The following GSE1 variants were observed in gnomAD, a reference collection of about 807,000 sequenced individuals.
GSE1 encodes genetic suppressor element 1.
GSE1 carries 32 observed loss-of-function variants against 112.6 expected under a neutral mutation model. That is an observed-to-expected ratio of 0.28 (90% CI 0.21 to 0.38). The LOEUF is 0.38. GSE1 is among the 10% of genes least tolerant of loss of function. The probability of loss-of-function intolerance (pLI) is 1.00; values close to 1 mark genes in which losing one functional copy is unlikely to be tolerated. For missense variants in GSE1, 2,348 were observed against 1,699.2 expected, an observed-to-expected ratio of 1.38 and a Z score of -6.71; for synonymous variants, 1,115 against 735.6, an observed-to-expected ratio of 1.52 and a Z score of -8.35.
At chr16:85,324,671 T>G (rs117142306) in intron 1 of GSE1, among the ~76,000 whole-genome samples, 3,374 of 151,008 alleles carry the variant, frequency 0.022, 70 homozygotes, top group South Asian at 0.049. Context: ...ACCCAGAGAG[T>G]GGAGTATGAC....
At chr16:85,629,029 C>T (rs776379063) in intron 1 of GSE1, among the ~76,000 whole-genome samples, 6 of 152,176 alleles carry the variant, frequency 3.9e-5, no homozygotes, top group Non-Finnish European at 8.8e-5. Context: ...CACGCTCTCG[C>T]AAGATCTGGG....
At chr16:85,196,526 T>C (rs1475541119) in intron 1 of GSE1, among the ~76,000 whole-genome samples, 1 of 152,168 alleles carries the variant, frequency 6.6e-6, no homozygotes, top group Non-Finnish European at 1.5e-5. Context: ...TCAGTGTGGC[T>C]GGTACTGGCT....
At chr16:85,207,190 C>A (rs1391905924) in intron 1 of GSE1, among the ~76,000 whole-genome samples, 1 of 152,302 alleles carries the variant, frequency 6.6e-6, no homozygotes, top group Middle Eastern at 3.4e-3. Context: ...ATCTGGGACC[C>A]CCCCGTCCTC....
At chr16:85,615,615 C>T (rs1264876307) in intron 1 of GSE1, among the ~76,000 whole-genome samples, 1 of 152,118 alleles carries the variant, frequency 6.6e-6, no homozygotes, top group Admixed American at 6.5e-5. Flanking sequence ...GAAGGGAGGT[C>T]GGGAAGTCCT....
At chr16:85,341,724 T>G (rs1407327849) in intron 1 of GSE1, among the ~76,000 whole-genome samples, 1 of 152,140 alleles carries the variant, frequency 6.6e-6, no homozygotes, top group African/African-American at 2.4e-5. Context: ...GGTCTCAAAC[T>G]CCTGGCCCTA....
chr16:85,311,725 G>A lies in GSE1; in HGVS notation c.2284-45738G>A, dbSNP rs999290954. On this transcript the variant is annotated intron_variant, in intron 1 of 2. Transcript: ENST00000637419. The surrounding 1 kb of genome is among the most constrained non-coding windows in gnomAD (Gnocchi z 4.2). ...CTCCTGCCTGCTTCATTTCCCAGAT[G>A]TCTTAGGACCTGAGGTGGTGCAGGC... Among the ~76,000 whole-genome samples the A allele has an allele frequency of 2.0e-5, 3 of 152,202 alleles. No individual in the cohort carries two copies. The highest frequency in any genetic ancestry group is 6.8e-3 in the Middle Eastern group (2 of 294).
intron 2 of GSE1, among the ~76,000 whole-genome samples, chr16:85,534,780 G>C (rs1297692344): frequency 6.6e-6 from 1 of 151,906 alleles, no homozygotes; most frequent in Non-Finnish European, 1.5e-5. Context: ...CAGTCACACA[G>C]CGTTGCTCCC....
At chr16:85,515,529 C>T (rs2051901005) in intron 2 of GSE1, among the ~76,000 whole-genome samples, 1 of 152,096 alleles carries the variant, frequency 6.6e-6, no homozygotes, top group Non-Finnish European at 1.5e-5. Context: ...GAAAGAAGGG[C>T]CAGAGGCTGG....
At chr16:85,580,566 C>T (rs1297923606) in intron 1 of GSE1, among the ~76,000 whole-genome samples, 2 of 152,258 alleles carry the variant, frequency 1.3e-5, no homozygotes, top group South Asian at 2.1e-4. Context: ...ACACCGCAGC[C>T]TCCTGTTGGG....
At chr16:85,605,039 G>A (rs914561260) in intron 1 of GSE1, among the ~76,000 whole-genome samples, 8 of 149,552 alleles carry the variant, frequency 5.3e-5, no homozygotes, top group East Asian at 2.0e-4. Flanking sequence ...GGATGGTCTC[G>A]ATCTCCTGAC....
chr16:85,345,902 TGTGGATGG>T (rs1325630278), intron 1 of GSE1, among the ~76,000 whole-genome samples: 1 of 152,040 alleles, frequency 6.6e-6, no homozygotes, highest in Non-Finnish European at 1.5e-5. Flanking sequence ...ACAGTGGATA[TGTGGATGG>T]GTGGATGGAT....
chr16:85,541,050 G>T (rs1229383773), intron 2 of GSE1, among the ~76,000 whole-genome samples: 1 of 152,138 alleles, frequency 6.6e-6, no homozygotes, highest in Non-Finnish European at 1.5e-5. Context: ...TGAGAGGAGG[G>T]TCTGGGGGCT....
intron 2 of GSE1, among the ~76,000 whole-genome samples, chr16:85,513,955 A>G (rs2051832677): frequency 6.6e-6 from 1 of 152,060 alleles, no homozygotes; most frequent in Non-Finnish European, 1.5e-5. Context: ...CCCAGGTGGT[A>G]CTGCTGCTAT....
At chr16:85,220,160 C>T (rs2075367250) in intron 1 of GSE1, among the ~76,000 whole-genome samples, 1 of 152,210 alleles carries the variant, frequency 6.6e-6, no homozygotes, top group African/African-American at 2.4e-5. Flanking sequence ...AAAACATTTT[C>T]CCCTCTGGGC....
At chr16:85,388,461 T>C (rs796728522) in intron 2 of GSE1, among the ~76,000 whole-genome samples, 4 of 88,178 alleles carry the variant, frequency 4.5e-5, no homozygotes, top group African/African-American at 1.8e-4. Flanking sequence ...AGTGGGTAGA[T>C]GGGTGAGTGG....
chr16:85,252,762 G>A (rs889617896), intron 1 of GSE1, among the ~76,000 whole-genome samples: 24 of 152,220 alleles, frequency 1.6e-4, no homozygotes, highest in African/African-American at 5.1e-4. Flanking sequence ...CCATTCACCT[G>A]CCCCGAGTTA....
At chr16:85,202,674 C>T (rs2075049295) in intron 1 of GSE1, among the ~76,000 whole-genome samples, 2 of 152,244 alleles carry the variant, frequency 1.3e-5, no homozygotes, top group South Asian at 2.1e-4. Flanking sequence ...CCACAGGGTT[C>T]TGGGAGAGCC....
chr16:85,320,303 C>T lies in GSE1; in HGVS notation c.2284-37160C>T, dbSNP rs1567685790. Reference sequence around the variant, plus strand: ...GTCATTTGAGGCCGGAGCAGTTTTCCTTTCGCTCACGCAGAACACCAGGCC... The same window carrying T: ...GTCATTTGAGGCCGGAGCAGTTTTCTTTTCGCTCACGCAGAACACCAGGCC... On this transcript the variant is annotated intron_variant, in intron 1 of 2. Coordinates refer to the GSE1 transcript ENST00000637419. 3.3e-5 allele frequency among the ~76,000 whole-genome samples: 5 copies of T among 152,220 alleles called. No homozygotes were observed. The South Asian group carries it at 1.0e-3, about 31-fold the overall frequency.
chr16:85,324,507 C>G (rs909881779), intron 1 of GSE1, among the ~76,000 whole-genome samples: 4 of 124,324 alleles, frequency 3.2e-5, no homozygotes, highest in African/African-American at 1.5e-4. Context: ...GAGACTCCCT[C>G]TCAAAAAAAA....
Sources: gnomAD v4.1 joint callset for allele counts (sites outside exome capture counted in the v4.1 genomes callset) on GRCh38, gnomAD v4.1.1 for gene constraint, Gnocchi (gnomAD v3.1) non-coding constraint, MANE v1.5 for transcripts, NCBI Gene and HGNC (gene_info 2026-07-23, HGNC 2026-07-21) for gene names.